The following HLTF variants were observed in gnomAD, a reference collection of about 807,000 sequenced individuals.
The protein encoded by HLTF is DNA-dependent ATPase/E3 ubiquitin-protein ligase HLTF.
A neutral mutation model predicts 129.4 loss-of-function variants in HLTF; 127 were observed. The ratio of observed to expected loss-of-function variants is 0.98; its 90% CI spans 0.85 to 1.14. HLTF has a LOEUF of 1.14. Ranked by LOEUF, HLTF falls within the 50% of genes most tolerant of loss-of-function variation. HLTF has a pLI of 0.00. For synonymous variants in HLTF, 332 were observed against 388.8 expected (o/e 0.85, Z 1.72); for missense variants, 1,139 against 1,187.1 (o/e 0.96, Z 0.60).
rs1715879451 is a variant in HLTF, at chr3:149,038,989, T to C, written c.2796+60A>G. ...TATGAAGGTATTTACCAAATAGTTT[T>C]TTGTCTTATTTTTTTGAAAGAAGTA... On this transcript the variant is annotated intron_variant, in intron 23 of 24. Transcript: ENST00000310053. 8 of 1,011,346 alleles carry C rather than the reference T, an allele frequency of 7.9e-6. No homozygotes were observed. In the South Asian group the frequency reaches 1.6e-4, roughly 20 times the overall value. 62.6% of individuals were successfully genotyped at this position (1,011,346 alleles called of 1,614,324 possible).
At chr3:149,036,768 T>G (rs1433440189) in intron 23 of HLTF, among the ~76,000 whole-genome samples, 1 of 151,920 alleles carries the variant, frequency 6.6e-6, no homozygotes, top group Non-Finnish European at 1.5e-5. Flanking sequence ...AAAAAAAAAT[T>G]TAATGGTAAA....
rs1223088276 is a variant in HLTF, at chr3:149,032,063, A to G, written c.*157T>C. On this transcript the variant is annotated 3_prime_UTR_variant, in exon 25 of 25. Coordinates refer to ENST00000310053, the MANE Select transcript of HLTF (RefSeq NM_003071.4). ...GAAGTTTCATTAAAAATAGGTTCAT[A>G]TATAGAAGAAATTGTGTCAGTAATA... 7 of 482,094 alleles carry G rather than the reference A, an allele frequency of 1.5e-5. No homozygotes were observed. The highest frequency in any genetic ancestry group is 8.1e-5 in the African/African-American group (4 of 49,654). The allele number at this position is 482,094 out of a possible 1,614,324, so 29.9% of individuals were successfully genotyped here. A position where few individuals can be genotyped will look rare whatever the true frequency, so the allele number is the denominator to read the frequency against.
intron 24 of HLTF, among the ~76,000 whole-genome samples, chr3:149,033,307 C>T (rs1234318559): frequency 1.3e-5 from 2 of 151,964 alleles, no homozygotes. Flanking sequence ...ATACTATGTT[C>T]CTGTATGGAA....
At chr3:149,076,160 A>AT (rs1719338612) in intron 2 of HLTF, 113 bp from the exon 3 acceptor site, 1 of 429,268 alleles carries the variant, frequency 2.3e-6, no homozygotes, top group Non-Finnish European at 4.1e-6. Flanking sequence ...AACACTGCAC[A>AT]TAAGAAAAAT....
intron 4 of HLTF, 134 bp from the exon 5 acceptor site, chr3:149,073,456 G>T (rs1263049657): frequency 8.1e-6 from 5 of 615,004 alleles, no homozygotes; most frequent in Non-Finnish European, 1.4e-5. Context: ...CACTTTGGGA[G>T]GCCAAGGCAG....
At chr3:149,041,888 C>T (rs988478553) in intron 19 of HLTF, 16 of 578,160 alleles carry the variant, frequency 2.8e-5, no homozygotes, top group African/African-American at 2.2e-4. Context: ...ATCATTATAA[C>T]ATGACAATAA....
chr3:149,035,547 A>G (rs919542060), intron 23 of HLTF, among the ~76,000 whole-genome samples: 8 of 150,890 alleles, frequency 5.3e-5, no homozygotes, highest in African/African-American at 1.9e-4. Context: ...AGTCCCAGCT[A>G]CTCAGGAGGC....
intron 9 of HLTF, 90 bp downstream of exon 9, chr3:149,064,701 A>T: frequency 1.2e-6 from 1 of 831,558 alleles, no homozygotes; most frequent in Non-Finnish European, 2.0e-6. Flanking sequence ...TTACAATATT[A>T]GGCTGAAAAA....
At chr3:149,059,696 G>A in intron 13 of HLTF, 22 bp downstream of exon 13, 1 of 1,428,280 alleles carries the variant, frequency 7.0e-7, no homozygotes, top group East Asian at 2.3e-5. Flanking sequence ...CCAAAAACTA[G>A]AAAACAAGGA....
At chr3:149,073,971 A>G (rs1719098400) in intron 4 of HLTF, among the ~76,000 whole-genome samples, 1 of 152,108 alleles carries the variant, frequency 6.6e-6, no homozygotes, top group South Asian at 2.1e-4. Flanking sequence ...TTCATTGCAT[A>G]TATACTTTTT....
Position 149,040,103 on chromosome 3 carries a change from T to A in HLTF, c.2430A>T (p.Leu810Phe), listed in dbSNP as rs1207918573. ...CRNDIHEDNL[L>F]ECPPEELARD... Reference sequence around the variant, plus strand: ...GTGCTAATTCTTCTGGAGGACATTCTAATAAATTATCTTCATGTATATCAT... The same window carrying A: ...GTGCTAATTCTTCTGGAGGACATTCAAATAAATTATCTTCATGTATATCAT... The change falls in exon 21 of 25, where the codon TTA becomes TTT. Residue 810 changes from leucine to phenylalanine, a missense_variant. Physicochemically the swap from Leu to Phe is conservative, Grantham distance 22. Transcript: ENST00000310053. 4.3e-6 allele frequency: 7 copies of A among 1,610,222 alleles called. No homozygotes were observed. The highest frequency in any genetic ancestry group is 5.9e-6 in the Non-Finnish European group (7 of 1,178,046).
chr3:149,068,909 G>T (rs1456625973), intron 7 of HLTF, among the ~76,000 whole-genome samples: 1 of 152,154 alleles, frequency 6.6e-6, no homozygotes, highest in Non-Finnish European at 1.5e-5. Flanking sequence ...GTAAATAACA[G>T]CAGTTTTCAA....
intron 5 of HLTF, 139 bp from the exon 6 acceptor site, chr3:149,071,796 C>T (rs1718892369): frequency 1.6e-6 from 1 of 637,390 alleles, no homozygotes; most frequent in African/African-American, 1.8e-5. Context: ...CCAATAATCT[C>T]AGCACTTTGG....
chr3:149,037,746 C>A (rs1715776975), intron 23 of HLTF, among the ~76,000 whole-genome samples: 1 of 152,136 alleles, frequency 6.6e-6, no homozygotes, highest in Admixed American at 6.5e-5. Context: ...CAAGTTACAA[C>A]CACAAATCTT....
Position 149,064,832 on chromosome 3 carries a change from C to G in HLTF, c.1025G>C (p.Gly342Ala). 6.2e-7 allele frequency: 1 copy of G among 1,601,766 alleles called. No homozygotes were observed. Among genetic ancestry groups the G allele is most frequent in the Non-Finnish European group, 8.6e-7 (1 of 1,169,366 alleles). ...TGCCTTTTCACTGGTATTGTTTCCT[C>G]CAAGTTTCATAGAGTCATCGTTAAC... ...YNVNDDSMKL[G>A]GNNTSEKADG... is the part of the protein sequence containing the mutation. The change falls in exon 9 of 25, where the codon GGA (glycine) becomes GCA (alanine). Residue 342 changes from glycine to alanine, a missense_variant. Coordinates refer to ENST00000310053, the MANE Select transcript of HLTF (RefSeq NM_003071.4).
rs532376425 is a variant in HLTF at position 149,076,444 on chromosome 3, G to A, written c.229-397C>T. Among the ~76,000 whole-genome samples the A allele has an allele frequency of 9.2e-5, 14 of 152,272 alleles. No individual in the cohort carries two copies. The South Asian group carries it at 2.9e-3, about 32-fold the overall frequency. ...TTAAATCCTCACAGCTCTATTGGGAGGTACTATCATTATTCCCATTTTACA... is the reference window on the plus strand; with the variant it reads ...TTAAATCCTCACAGCTCTATTGGGAAGTACTATCATTATTCCCATTTTACA... On this transcript the variant is annotated intron_variant, in intron 2 of 24. Transcript: ENST00000310053.
chr3:149,056,486 A>G (rs969414722), intron 13 of HLTF, among the ~76,000 whole-genome samples: 2 of 152,200 alleles, frequency 1.3e-5, no homozygotes, highest in African/African-American at 4.8e-5. Context: ...GAAGGTGAGC[A>G]AAGTATCATA....
chr3:149,061,743 G>A (rs1717967398), intron 10 of HLTF, among the ~76,000 whole-genome samples: 1 of 151,680 alleles, frequency 6.6e-6, no homozygotes, highest in South Asian at 2.1e-4. Context: ...GGCTGAGGCA[G>A]GAGAATTGCT....
In HLTF at chr3:149,063,485, A is replaced by G. The variant is rs1354402366; in HGVS notation, c.1106T>C (p.Ile369Thr). Reference protein sequence around the residue: ...RCSEQPSISDIKEKSKFRMSE... With the variant: ...RCSEQPSISDTKEKSKFRMSE... ...CATGCGAAACTTACTCTTCTCCTTG[A>G]TATCTGAAATACTGGGTTGTTCACT... The change falls in exon 10 of 25, where the codon ATC (isoleucine) becomes ACC (threonine). Residue 369 changes from isoleucine (I) to threonine (T), a missense_variant. Physicochemically the swap from Ile to Thr is moderately conservative, Grantham distance 89. Coordinates refer to ENST00000310053, the MANE Select transcript of HLTF (RefSeq NM_003071.4). 1.2e-6 allele frequency: 2 copies of G among 1,611,374 alleles called. No individual in the cohort carries two copies. The highest frequency in any genetic ancestry group is 1.3e-5 in the African/African-American group (1 of 74,832).
Sources: gnomAD v4.1 joint callset for allele counts (sites outside exome capture counted in the v4.1 genomes callset) on GRCh38, gnomAD v4.1.1 for gene constraint, MANE v1.5 for transcripts, NCBI Gene and HGNC (gene_info 2026-07-23, HGNC 2026-07-21) for gene names.